The following CNTNAP2 variants were observed in gnomAD, a reference collection of about 807,000 sequenced individuals.
CNTNAP2 encodes contactin-associated protein-like 2.
In CNTNAP2, 98 loss-of-function variants were observed where a neutral mutation model predicts 155.2. That is an observed-to-expected ratio of 0.63 (90% CI 0.54 to 0.75). The LOEUF is 0.75. Among genes scored for constraint, CNTNAP2 ranks in the 30% least tolerant of loss-of-function variants. The pLI, the probability that CNTNAP2 is intolerant of heterozygous loss-of-function variation, is 0.00. For missense variants in CNTNAP2, 1,727 were observed against 1,688.1 expected (o/e 1.02, Z -0.40); for synonymous variants, 651 against 631.2 (o/e 1.03, Z -0.47).
At position 147,333,903 on chromosome 7, in the gene CNTNAP2, C is replaced by T. The variant is rs567791541; in HGVS notation, c.1498+33613C>T. On this transcript the variant is annotated intron_variant, in intron 9 of 23. Coordinates refer to ENST00000361727, the MANE Select transcript of CNTNAP2 (RefSeq NM_014141.6). ...AATATTTAGGACCCAAGTCATCGGT[C>T]CAGGGATGTGTGGCTAAGATGGAAG... Among the ~76,000 whole-genome samples the T allele has an allele frequency of 8.1e-4, 123 of 152,222 alleles. 1 individual carries two copies. The South Asian group carries it at 0.018, about 22-fold the overall frequency.
At chr7:146,928,497 A>C (rs1031168425) in intron 3 of CNTNAP2, among the ~76,000 whole-genome samples, 3 of 152,324 alleles carry the variant, frequency 2.0e-5, no homozygotes, top group Middle Eastern at 3.4e-3. Context: ...TACAGCTCCC[A>C]GCATGAACGA....
chr7:147,032,011 G>T (rs755034948), intron 3 of CNTNAP2, among the ~76,000 whole-genome samples: 4 of 152,118 alleles, frequency 2.6e-5, no homozygotes, highest in African/African-American at 7.2e-5. Flanking sequence ...TTGACTGAGG[G>T]GATTGATGAG....
Position 147,322,479 on chromosome 7 carries a change from T to C in CNTNAP2, c.1498+22189T>C, listed in dbSNP as rs923742089. ...AATCTTGAAAATTTGTATACGGCTG[T>C]TTAACCTAAGGATATTTTTGCATCA... On this transcript the variant is annotated intron_variant, in intron 9 of 23. Transcript: ENST00000361727. Among the ~76,000 whole-genome samples the C allele has an allele frequency of 6.0e-4, 91 of 152,320 alleles. 1 individual carries two copies. The highest frequency in any genetic ancestry group is 2.0e-3 in the African/African-American group (82 of 41,574).
At chr7:146,887,729 G>C (rs557537132) in intron 3 of CNTNAP2, among the ~76,000 whole-genome samples, 7 of 152,000 alleles carry the variant, frequency 4.6e-5, no homozygotes, top group Non-Finnish European at 1.0e-4. Context: ...ATAAACTCAG[G>C]CTGGCTTCCT....
intron 13 of CNTNAP2, among the ~76,000 whole-genome samples, chr7:147,733,141 T>C (rs936750117): frequency 8.5e-5 from 13 of 152,270 alleles, no homozygotes; most frequent in African/African-American, 3.1e-4. Context: ...GCCTAGGTTT[T>C]CTTCTAAGGC....
At chr7:147,736,868 TC>T (rs1796857616) in intron 13 of CNTNAP2, among the ~76,000 whole-genome samples, 3 of 152,230 alleles carry the variant, frequency 2.0e-5, no homozygotes, top group Admixed American at 6.5e-5. Context: ...GGTTTTCAGC[TC>T]CATCAGGTCC....
At chr7:146,503,844 AACC>A (rs1797341964) in intron 1 of CNTNAP2, among the ~76,000 whole-genome samples, 1 of 152,164 alleles carries the variant, frequency 6.6e-6, no homozygotes, top group Non-Finnish European at 1.5e-5. Context: ...GTCAGGTTCC[AACC>A]TGAGCTGGGG....
intron 1 of CNTNAP2, among the ~76,000 whole-genome samples, chr7:146,657,242 T>C (rs944842643): frequency 6.6e-6 from 1 of 152,192 alleles, no homozygotes; most frequent in Non-Finnish European, 1.5e-5. Flanking sequence ...TGAGCTTTCA[T>C]CCTGTTTATC....
At chr7:147,630,513 A>G (rs1563029862) in intron 12 of CNTNAP2, among the ~76,000 whole-genome samples, 2 of 152,150 alleles carry the variant, frequency 1.3e-5, no homozygotes, top group South Asian at 2.1e-4. Context: ...AGGAAAGGAC[A>G]TAACAGAAAA....
Position 148,180,350 on chromosome 7 carries a change from A to G in CNTNAP2, c.3010+7872A>G, listed in dbSNP as rs530163680. Among the ~76,000 whole-genome samples, 23 of 152,216 alleles carry G rather than the reference A, an allele frequency of 1.5e-4. No individual in the cohort carries two copies. The South Asian group carries it at 4.8e-3, about 32-fold the overall frequency. ...AGAGAATTATTCAAGTAGAGAAAAT[A>G]TCCCTTCTCTCTTAATGTATTTCTT... is the stretch of plus-strand genomic sequence containing the variant. On this transcript the variant is annotated intron_variant, in intron 18 of 23. Coordinates refer to ENST00000361727, the MANE Select transcript of CNTNAP2 (RefSeq NM_014141.6).
intron 1 of CNTNAP2, among the ~76,000 whole-genome samples, chr7:146,145,193 C>A (rs891306046): frequency 7.9e-5 from 12 of 152,148 alleles, no homozygotes; most frequent in Admixed American, 7.2e-4. Context: ...GCTCTATCCC[C>A]CGTGTCCATG....
chr7:146,413,174 C>G (rs540924131), intron 1 of CNTNAP2, among the ~76,000 whole-genome samples: 27 of 152,264 alleles, frequency 1.8e-4, no homozygotes, highest in African/African-American at 6.5e-4. Flanking sequence ...ACTTGACTAG[C>G]TGAGCTTGGT....
chr7:146,297,830 A>G (rs1800538379), intron 1 of CNTNAP2, among the ~76,000 whole-genome samples: 1 of 152,318 alleles, frequency 6.6e-6, no homozygotes, highest in African/African-American at 2.4e-5. Context: ...CTTGTTTTCC[A>G]TGTTGAATGC....
intron 21 of CNTNAP2, among the ~76,000 whole-genome samples, chr7:148,364,027 G>A (rs564925890): frequency 4.0e-4 from 61 of 152,354 alleles, no homozygotes; most frequent in African/African-American, 1.3e-3. Flanking sequence ...TTTCTCGCCG[G>A]GCCTTGGCTG....
At chr7:147,186,818 G>A (rs1802575860) in intron 8 of CNTNAP2, among the ~76,000 whole-genome samples, 1 of 152,196 alleles carries the variant, frequency 6.6e-6, no homozygotes, top group Non-Finnish European at 1.5e-5. Context: ...GGAGGGAACA[G>A]CAGTGCTAAG....
intron 1 of CNTNAP2, among the ~76,000 whole-genome samples, chr7:146,411,814 TTTTA>T: frequency 8.5e-6 from 1 of 117,078 alleles, no homozygotes; most frequent in Non-Finnish European, 1.6e-5. Context: ...TTTTATTTTA[TTTTA>T]TTTATTTACT....
chr7:148,249,614 T>C (rs1472697723), intron 20 of CNTNAP2, among the ~76,000 whole-genome samples: 3 of 152,126 alleles, frequency 2.0e-5, no homozygotes, highest in Admixed American at 2.0e-4. Context: ...CCGAACACAA[T>C]ATCTCCAAAT....
chr7:147,711,353 G>T (rs186161888), intron 13 of CNTNAP2, among the ~76,000 whole-genome samples: 7 of 152,138 alleles, frequency 4.6e-5, no homozygotes, highest in Non-Finnish European at 8.8e-5. Context: ...AGAAGAGAGA[G>T]CTCATGCATA....
At chr7:148,402,470 CT>C (rs1799609111) in intron 22 of CNTNAP2, among the ~76,000 whole-genome samples, 1 of 152,154 alleles carries the variant, frequency 6.6e-6, no homozygotes. Context: ...AGCAGGGATC[CT>C]CTCTTAAAAT....
Sources: gnomAD v4.1 joint callset for allele counts (sites outside exome capture counted in the v4.1 genomes callset) on GRCh38, gnomAD v4.1.1 for gene constraint, MANE v1.5 for transcripts, NCBI Gene and HGNC (gene_info 2026-07-23, HGNC 2026-07-21) for gene names.